Variants in MIER1 observed in about 807,000 individuals in gnomAD.
MIER1 encodes MIER1 transcriptional regulator, also known as mesoderm induction early response protein 1.
Under a neutral mutation model 75.7 loss-of-function variants are expected in MIER1, and 40 were observed. The observed-to-expected ratio is 0.53, with a 90% CI of 0.41 to 0.69. The LOEUF is 0.69. Ranked by LOEUF, MIER1 falls within the 30% of genes least tolerant of loss-of-function variation. The pLI is 0.00. For synonymous variants in MIER1, 213 were observed against 223.4 expected, an observed-to-expected ratio of 0.95 and a Z score of 0.42; for missense variants, 574 against 680.2, an observed-to-expected ratio of 0.84 and a Z score of 1.74.
intron 2 of MIER1, among the ~76,000 whole-genome samples, chr1:66,938,163 C>T (rs538709937): frequency 2.0e-5 from 3 of 152,258 alleles, no homozygotes; most frequent in South Asian, 4.1e-4. Flanking sequence ...TAACTATTTA[C>T]CAATGAAGCA....
chr1:66,985,427 T>C lies in MIER1; in HGVS notation c.*527T>C, dbSNP rs1490757313. On this transcript the variant is annotated 3_prime_UTR_variant, in exon 14 of 14. Coordinates refer to ENST00000401041, the MANE Select transcript of MIER1 (RefSeq NM_001077700.3). ...AAACCCTTACGAATCCTGAAAATTA[T>C]GCTAGCATGATTTTTTTATATATAG... 1 of 983,594 alleles carries C rather than the reference T, an allele frequency of 1.0e-6. No individual in the cohort carries two copies. Among genetic ancestry groups the C allele is most frequent in the East Asian group, 1.1e-4 (1 of 8,964 alleles). The allele number at this position is 983,594 out of a possible 1,614,324, so 60.9% of individuals were successfully genotyped here.
At position 66,945,267 on chromosome 1, in the gene MIER1, GTATA is replaced by G. The variant is rs66525570; in HGVS notation, c.194-836_194-833del. On this transcript the variant is annotated intron_variant, in intron 3 of 13. Transcript: ENST00000401041. ...ATATGCTTTAAATAATCTGGTGTGTGTATATATATATATATATATATATATATAT... is the reference window on the plus strand; with the variant it reads ...ATATGCTTTAAATAATCTGGTGTGTGTATATATATATATATATATATATAT... Among the ~76,000 whole-genome samples, 382 of 141,326 alleles carry G rather than the reference GTATA, an allele frequency of 2.7e-3. 2 individuals are homozygous for G. Among genetic ancestry groups the G allele is most frequent in the East Asian group, 4.7e-3 (23 of 4,944 alleles). The allele number at this position is 141,326 out of a possible 152,430, so 92.7% of individuals were successfully genotyped here.
In MIER1 at chr1:66,972,843, T is replaced by C. The variant is rs375152384; in HGVS notation, c.1007-54T>C. On this transcript the variant is annotated intron_variant, in intron 10 of 13. Transcript: ENST00000401041. ...TAAGTTTTCATTTGTAATTTTGTTA[T>C]ATGCAATAATTGGGGGAATATTGCT... The C allele has an allele frequency of 2.2e-4, 190 of 882,324 alleles. 1 individual carries two copies. The African/African-American group carries it at 2.8e-3, about 13-fold the overall frequency. 54.7% of individuals were successfully genotyped at this position (882,324 alleles called of 1,614,324 possible).
At position 66,986,108 on chromosome 1, in the gene MIER1, G is replaced by A. The variant is rs1414548950; in HGVS notation, c.*1208G>A. 2.7e-6 allele frequency: 3 copies of A among 1,096,240 alleles called. No individual in the cohort carries two copies. The highest frequency in any genetic ancestry group is 1.3e-4 in the East Asian group (2 of 15,188). The allele number at this position is 1,096,240 out of a possible 1,614,324, so 67.9% of individuals were successfully genotyped here. A position where few individuals can be genotyped will look rare whatever the true frequency, so the allele number is the denominator to read the frequency against. ...TGGCACACACAAGGAACAACTGTTG[G>A]CAGGCAGTATCGATTTTATGAAGAG... On this transcript the variant is annotated 3_prime_UTR_variant, in exon 14 of 14. Transcript: ENST00000401041.
At chr1:66,974,566 C>G (rs1664326332) in intron 11 of MIER1, among the ~76,000 whole-genome samples, 1 of 151,762 alleles carries the variant, frequency 6.6e-6, no homozygotes, top group African/African-American at 2.4e-5. Flanking sequence ...ACAACCCTGA[C>G]CAATATGATT....
rs945551723 is a variant in MIER1 at position 66,958,774 on chromosome 1, A to G, written c.502-77A>G. 4 of 1,282,338 alleles carry G rather than the reference A, an allele frequency of 3.1e-6. No individual in the cohort carries two copies. The Admixed American group carries it at 6.3e-5, about 20-fold the overall frequency. The allele number at this position is 1,282,338 out of a possible 1,614,324, so 79.4% of individuals were successfully genotyped here. On this transcript the variant is annotated intron_variant, in intron 5 of 13. Coordinates refer to ENST00000401041, the MANE Select transcript of MIER1 (RefSeq NM_001077700.3). Reference sequence around the variant, plus strand: ...TTTAGTCTTCTGCATATATTAGAACAAAATTTATATGCTATGGTCTTTCAT... The same window carrying G: ...TTTAGTCTTCTGCATATATTAGAACGAAATTTATATGCTATGGTCTTTCAT...
In MIER1 at chr1:66,967,195, T is replaced by A. The variant is rs185273371; in HGVS notation, c.773-3613T>A. ...TTTGGTTTTTGTGTGTGACAAGATA[T>A]AGGGGTCTAGTTCCATTCTTCTGCA... On this transcript the variant is annotated intron_variant, in intron 8 of 13. Coordinates refer to ENST00000401041, the MANE Select transcript of MIER1 (RefSeq NM_001077700.3). 2.0e-5 allele frequency among the ~76,000 whole-genome samples: 3 copies of A among 152,296 alleles called. No individual in the cohort carries two copies. The South Asian group carries it at 6.2e-4, about 32-fold the overall frequency.
chr1:66,986,737 A>G lies in MIER1; in HGVS notation c.*1837A>G, dbSNP rs1367370492. On this transcript the variant is annotated 3_prime_UTR_variant, in exon 14 of 14. Transcript: ENST00000401041. The stretch of plus-strand genomic sequence containing the variant: ...ATCAAAGTTTTGGGTGGAAGTGTTG[A>G]GAAGTATGAGTTTTTTGTTGTTTTT... 6.0e-6 allele frequency: 2 copies of G among 335,108 alleles called. No homozygotes were observed. Among genetic ancestry groups the G allele is most frequent in the Non-Finnish European group, 1.1e-5 (2 of 186,030 alleles). 20.8% of individuals were successfully genotyped at this position (335,108 alleles called of 1,614,324 possible).
chr1:66,933,932 A>G (rs1654051334), intron 2 of MIER1, among the ~76,000 whole-genome samples: 1 of 152,226 alleles, frequency 6.6e-6, no homozygotes, highest in South Asian at 2.1e-4. Flanking sequence ...ATGAAAAGTA[A>G]TCAGCTATCT....
Position 66,925,414 on chromosome 1 carries a change from C to T in MIER1, c.67+319C>T, listed in dbSNP as rs1452044311. On this transcript the variant is annotated intron_variant, in intron 1 of 13. Transcript: ENST00000401041. ...CGCCTCGCCCCGTTCGCTTCGGTCC[C>T]TGATCCCAGTCGGGGTGGGGCTAAG... is the stretch of plus-strand genomic sequence containing the variant. 3.0e-6 allele frequency: 3 copies of T among 985,352 alleles called. No homozygotes were observed. The African/African-American group carries it at 5.2e-5, about 17-fold the overall frequency. The allele number at this position is 985,352 out of a possible 1,614,324, so 61.0% of individuals were successfully genotyped here.
At chr1:66,976,925 T>C (rs1018694958) in intron 12 of MIER1, among the ~76,000 whole-genome samples, 2 of 152,198 alleles carry the variant, frequency 1.3e-5, no homozygotes, top group Non-Finnish European at 2.9e-5. Context: ...CATTTAGACT[T>C]TTCAGTGTCT....
chr1:66,935,650 T>C (rs1336181199), intron 2 of MIER1, among the ~76,000 whole-genome samples: 1 of 152,174 alleles, frequency 6.6e-6, no homozygotes, highest in Non-Finnish European at 1.5e-5. Context: ...CAGAAAGGTA[T>C]TAAATGAAAA....
chr1:66,986,727 G>A lies in MIER1; in HGVS notation c.*1827G>A. 2.8e-6 allele frequency: 1 copy of A among 357,142 alleles called. No individual in the cohort carries two copies. The highest frequency in any genetic ancestry group is 5.0e-6 in the Non-Finnish European group (1 of 199,008). The allele number at this position is 357,142 out of a possible 1,614,324, so 22.1% of individuals were successfully genotyped here. ...ATCTAAGTAAATCAAAGTTTTGGGTGGAAGTGTTGAGAAGTATGAGTTTTT... is the reference window on the plus strand; with the variant it reads ...ATCTAAGTAAATCAAAGTTTTGGGTAGAAGTGTTGAGAAGTATGAGTTTTT... On this transcript the variant is annotated 3_prime_UTR_variant, in exon 14 of 14. Transcript: ENST00000401041.
chr1:66,970,931 A>G lies in MIER1; in HGVS notation c.896A>G (p.Glu299Gly). 2 of 1,583,846 alleles carry G rather than the reference A, an allele frequency of 1.3e-6. No individual in the cohort carries two copies. Among genetic ancestry groups the G allele is most frequent in the Non-Finnish European group, 1.7e-6 (2 of 1,171,406 alleles). ...GDEKGVEAIPEGSHIKDNEQA... is the reference protein window; with the variant it reads ...GDEKGVEAIPGGSHIKDNEQA... ...GAGAAGGGTGTAGAAGCAATTCCTG[A>G]AGGATCTCACATAAAAGACAATGAA... Residue 299 changes from glutamate to glycine, a missense_variant, in exon 9 of 14, where the codon GAA (glutamate) becomes GGA (glycine). Around this residue, in one of 3 missense-constraint regions of MIER1, gnomAD observed 101 missense variants for 173.1 expected, o/e 0.58. Transcript: ENST00000401041.
chr1:66,987,904 C>G lies in MIER1; in HGVS notation c.*3004C>G, dbSNP rs1398066041. 1 of 150,610 alleles carries G rather than the reference C, an allele frequency of 6.6e-6. No individual in the cohort carries two copies. The highest frequency in any genetic ancestry group is 1.5e-5 in the Non-Finnish European group (1 of 68,000). 9.3% of individuals were successfully genotyped at this position (150,610 alleles called of 1,614,324 possible). On this transcript the variant is annotated 3_prime_UTR_variant, in exon 14 of 14. Coordinates refer to ENST00000401041, the MANE Select transcript of MIER1 (RefSeq NM_001077700.3). ...TTGCCACAAGAGATCCTTTCAGTCC[C>G]TAGACCTCCATTCACTCTGTTTCTC... is the stretch of plus-strand genomic sequence containing the variant.
Position 66,970,929 on chromosome 1 carries a change from T to G in MIER1, c.894T>G (p.Pro298=). 2 of 1,583,232 alleles carry G rather than the reference T, an allele frequency of 1.3e-6. No individual in the cohort carries two copies. Among genetic ancestry groups the G allele is most frequent in the Non-Finnish European group, 1.7e-6 (2 of 1,171,248 alleles). ...ATGAGAAGGGTGTAGAAGCAATTCC[T>G]GAAGGATCTCACATAAAAGACAATG... ...TGDEKGVEAI[P]EGSHIKDNEQ... The change falls in exon 9 of 14, where the codon CCT becomes CCG. Residue 298 remains proline (P), a synonymous_variant. Coordinates refer to ENST00000401041, the MANE Select transcript of MIER1 (RefSeq NM_001077700.3).
chr1:66,945,285 ATATATATATATATATATATATATATATAT>A (rs1657272135), intron 3 of MIER1, among the ~76,000 whole-genome samples: 1 of 5,766 alleles, frequency 1.7e-4, no homozygotes, highest in Non-Finnish European at 2.8e-4. Context: ...ATATATATAT[ATATATATATATATATATATATATATATAT>A]ATAAAATACC....
At chr1:66,935,437 T>C (rs1397724781) in intron 2 of MIER1, among the ~76,000 whole-genome samples, 1 of 152,142 alleles carries the variant, frequency 6.6e-6, no homozygotes, top group Non-Finnish European at 1.5e-5. Flanking sequence ...TCAGATAAGA[T>C]AAATATGTAC....
chr1:66,970,449 A>G (rs1349360414), intron 8 of MIER1, among the ~76,000 whole-genome samples: 1 of 152,200 alleles, frequency 6.6e-6, no homozygotes, highest in Non-Finnish European at 1.5e-5. Flanking sequence ...ACTATGTGGT[A>G]GAGTTATTGT....
Sources: allele counts gnomAD v4.1 joint callset (sites outside exome capture counted in the v4.1 genomes callset), GRCh38; gene constraint gnomAD v4.1.1; regional missense constraint gnomAD v4.1.1; transcripts MANE v1.5; gene names NCBI Gene and HGNC (gene_info 2026-07-23, HGNC 2026-07-21).